KPNA7: variants seen among roughly 807,000 people sequenced by gnomAD.
KPNA7 encodes the protein karyopherin subunit alpha 7, also known as importin subunit alpha-8.
Under a neutral mutation model 53.7 loss-of-function variants are expected in KPNA7, and 54 were observed. That is an observed-to-expected ratio of 1.01 (90% CI 0.81 to 1.26). The LOEUF (loss-of-function observed/expected upper bound fraction) is 1.26. KPNA7 is among the 50% of genes most tolerant of loss of function. The pLI, the probability that KPNA7 is intolerant of heterozygous loss-of-function variation, is 0.00. For missense variants in KPNA7, 640 were observed against 644.5 expected (o/e 0.99, Z 0.07); for synonymous variants, 276 against 259.3 (o/e 1.06, Z -0.62).
intron 7 of KPNA7, among the ~76,000 whole-genome samples, chr7:99,187,206 C>T (rs528171598): frequency 6.6e-6 from 1 of 152,226 alleles, no homozygotes; most frequent in South Asian, 2.1e-4. Context: ...AAGAGAATTG[C>T]TTGAAGTCGG....
chr7:99,163,259 ATTTTTTCAATATG>A, the KPNA7 span, among the ~76,000 whole-genome samples: 10 of 149,248 alleles, frequency 6.7e-5, no homozygotes, highest in South Asian at 6.3e-4. Context: ...TCATAGGACC[ATTTTTTCAATATG>A]TTTTTTCAAT....
chr7:99,179,629 A>G (rs1799074047), intron 9 of KPNA7, among the ~76,000 whole-genome samples: 1 of 151,782 alleles, frequency 6.6e-6, no homozygotes, highest in Admixed American at 6.6e-5. Context: ...CTGTTGCCCA[A>G]GCTGGAGTGC....
downstream of KPNA7, among the ~76,000 whole-genome samples, chr7:99,172,538 C>T (rs1798788106): frequency 2.0e-5 from 3 of 151,798 alleles, no homozygotes; most frequent in South Asian, 6.2e-4. Context: ...ATAGTAAGAC[C>T]CCATCTCTAC....
At chr7:99,188,260 C>A in intron 7 of KPNA7, 40 bp downstream of exon 7, 4 of 1,536,596 alleles carry the variant, frequency 2.6e-6, no homozygotes, top group Non-Finnish European at 3.5e-6. Flanking sequence ...GTGACTATGA[C>A]CCGAGGACTC....
rs369219037 is a variant in KPNA7, at chr7:99,188,317, A to T, written c.883T>A (p.Ser295Thr). 9.7e-6 allele frequency: 15 copies of T among 1,551,192 alleles called. No individual in the cohort carries two copies. In the African/African-American group the frequency reaches 1.4e-4, roughly 14 times the overall value. Residue 295 changes from serine to threonine, a missense_variant, in exon 7 of 11, where the codon TCA becomes ACA. Physicochemically the swap from Ser to Thr is moderately conservative, Grantham distance 58 (BLOSUM62 1). Coordinates refer to ENST00000327442, the MANE Select transcript of KPNA7 (RefSeq NM_001145715.3). ...LPRLVVLMTS[S>T]ELNVLTPSLR... ...GCATTTACCAAGACATTGAGTTCTG[A>T]GCTGGTCATGAGCACTACCAGCCTG...
upstream of KPNA7, among the ~76,000 whole-genome samples, chr7:99,212,050 A>G (rs1791084880): frequency 1.3e-5 from 2 of 152,056 alleles, no homozygotes; most frequent in South Asian, 4.1e-4. Flanking sequence ...CCCTCACACA[A>G]GTTGGCTTAA....
intron 5 of KPNA7, among the ~76,000 whole-genome samples, chr7:99,193,675 T>A (rs1013584053): frequency 5.3e-5 from 8 of 152,116 alleles, no homozygotes; most frequent in Middle Eastern, 3.4e-3. Context: ...CTTTTATTTT[T>A]TTTTTTTGGC....
At chr7:99,164,954 G>T in the KPNA7 span, among the ~76,000 whole-genome samples, 1 of 149,726 alleles carries the variant, frequency 6.7e-6, no homozygotes, top group Non-Finnish European at 1.5e-5. Flanking sequence ...AAAAGTAGCC[G>T]GGTATGGCAG....
intron 7 of KPNA7, among the ~76,000 whole-genome samples, chr7:99,186,262 A>G (rs1030318827): frequency 6.6e-6 from 1 of 152,196 alleles, no homozygotes; most frequent in African/African-American, 2.4e-5. Context: ...GCTCAAAACA[A>G]CAACTCTCCT....
At chr7:99,169,558 A>G (rs1447725482), downstream of KPNA7, among the ~76,000 whole-genome samples, 11 of 152,094 alleles carry the variant, frequency 7.2e-5, no homozygotes, top group African/African-American at 2.7e-4. Context: ...TGGAGGTTGC[A>G]GTGAGCTGAG....
chr7:99,194,341 T>TTTG (rs1248321396), intron 5 of KPNA7, among the ~76,000 whole-genome samples: 1 of 152,110 alleles, frequency 6.6e-6, no homozygotes, highest in African/African-American at 2.4e-5. Context: ...GGAGTTTTTT[T>TTTG]TTGTTGTTGT....
chr7:99,199,273 A>G (rs1184024325), intron 3 of KPNA7, among the ~76,000 whole-genome samples: 4 of 152,114 alleles, frequency 2.6e-5, no homozygotes, highest in Non-Finnish European at 5.9e-5. Context: ...ATGGAAATAC[A>G]AAGGGTCCAG....
chr7:99,196,821 A>G (rs1790252354), intron 3 of KPNA7, among the ~76,000 whole-genome samples: 1 of 152,182 alleles, frequency 6.6e-6, no homozygotes, highest in East Asian at 1.9e-4. Context: ...TCATTCCCTG[A>G]AAGATCCCAC....
At chr7:99,187,813 A>T (rs112341158) in intron 7 of KPNA7, among the ~76,000 whole-genome samples, 12,593 of 80,204 alleles carry the variant, frequency 0.16, 1,137 homozygotes, top group South Asian at 0.26. Flanking sequence ...AAAAAAAAAA[A>T]AAAAAAAAAA....
At chr7:99,218,490 G>A (rs1299508904) in intron 1 of KPNA7, among the ~76,000 whole-genome samples, 1 of 152,120 alleles carries the variant, frequency 6.6e-6, no homozygotes, top group Non-Finnish European at 1.5e-5. Context: ...TCAGGAAGGA[G>A]GGGCACATGG....
At chr7:99,202,223 A>T (rs1239080115) in intron 3 of KPNA7, among the ~76,000 whole-genome samples, 1 of 152,112 alleles carries the variant, frequency 6.6e-6, no homozygotes, top group Non-Finnish European at 1.5e-5. Flanking sequence ...GCAGGGTAAA[A>T]AGGGTGCATG....
chr7:99,150,072 T>C, the KPNA7 span, among the ~76,000 whole-genome samples: 20 of 151,930 alleles, frequency 1.3e-4, no homozygotes, highest in African/African-American at 4.8e-4. Context: ...GTGCTGGGAT[T>C]ACAGGCATGA....
At chr7:99,189,135 T>A (rs1267028542) in intron 6 of KPNA7, among the ~76,000 whole-genome samples, 7 of 152,320 alleles carry the variant, frequency 4.6e-5, no homozygotes, top group African/African-American at 1.7e-4. Context: ...ATGACCTAAT[T>A]TCATTTTTCA....
At chr7:99,207,268 T>A (rs1790861477) in intron 2 of KPNA7, 133 bp downstream of exon 2, 4 of 722,370 alleles carry the variant, frequency 5.5e-6, no homozygotes, top group Non-Finnish European at 9.8e-6. Flanking sequence ...CTCCTGACCT[T>A]GTGATCTGCC....
Sources: allele counts gnomAD v4.1 joint callset (sites outside exome capture counted in the v4.1 genomes callset), GRCh38; gene constraint gnomAD v4.1.1; transcripts MANE v1.5; gene names NCBI Gene and HGNC (gene_info 2026-07-23, HGNC 2026-07-21).